HPSE2: variants seen among roughly 807,000 people sequenced by gnomAD.
HPSE2 encodes inactive heparanase-2.
HPSE2 carries 38 observed loss-of-function variants against 60.5 expected under a neutral mutation model. The observed-to-expected ratio is 0.63, with a 90% confidence interval of 0.48 to 0.82. HPSE2 has a LOEUF of 0.82. Ranked by LOEUF, HPSE2 falls within the 40% of genes least tolerant of loss-of-function variation. The probability of loss-of-function intolerance (pLI) is 0.00; values close to 1 mark genes in which losing one functional copy is unlikely to be tolerated. For missense variants in HPSE2, 713 were observed against 740.4 expected, an observed-to-expected ratio of 0.96 and a Z score of 0.43; for synonymous variants, 295 against 293.2, an observed-to-expected ratio of 1.01 and a Z score of -0.06.
Position 99,144,399 on chromosome 10 carries a change from T to A in HPSE2, c.449A>T (p.Asp150Val), listed in dbSNP as rs1205743087. The A allele has an allele frequency of 6.2e-7, 1 of 1,613,002 alleles. No individual in the cohort carries two copies. Among genetic ancestry groups the A allele is most frequent in the African/African-American group, 1.3e-5 (1 of 74,874 alleles). ...PDYYLKNYED[D>V]IVRSDVALDK... Reference sequence around the variant, plus strand: ...TAAGGCAACATCACTTCGAACAATGTCTACAAAAAGAAAGAAAGAAGGCAG... The same window carrying A: ...TAAGGCAACATCACTTCGAACAATGACTACAAAAAGAAAGAAAGAAGGCAG... The change falls in exon 3 of 12, where the codon GAC (aspartate) becomes GTC (valine). Residue 150 changes from aspartate to valine, a missense_variant and splice_region_variant. Physicochemically the swap from Asp to Val is radical, Grantham distance 152. Transcript: ENST00000370552.
intron 3 of HPSE2, among the ~76,000 whole-genome samples, chr10:99,001,464 T>TA (rs1956775610): frequency 6.6e-6 from 1 of 152,134 alleles, no homozygotes; most frequent in Admixed American, 6.6e-5. Context: ...GTCCTAGTGC[T>TA]ACCAACAAGA....
chr10:98,853,000 T>C (rs1000896418), intron 3 of HPSE2, among the ~76,000 whole-genome samples: 2 of 152,256 alleles, frequency 1.3e-5, no homozygotes, highest in South Asian at 4.1e-4. Context: ...TTTGGGGCCT[T>C]ATGTTGTCTG....
At chr10:98,994,041 G>A (rs1452749179) in intron 3 of HPSE2, among the ~76,000 whole-genome samples, 8 of 152,114 alleles carry the variant, frequency 5.3e-5, no homozygotes, top group Non-Finnish European at 7.3e-5. Flanking sequence ...ATTTCTTTCT[G>A]CCAGAATAGC....
intron 7 of HPSE2, among the ~76,000 whole-genome samples, chr10:98,631,557 T>C (rs1050219634): frequency 6.6e-6 from 1 of 152,208 alleles, no homozygotes; most frequent in African/African-American, 2.4e-5. Context: ...GGACAAACCC[T>C]ATAATCCTCC....
At chr10:98,477,787 G>T (rs1424461609) in intron 11 of HPSE2, among the ~76,000 whole-genome samples, 2 of 152,154 alleles carry the variant, frequency 1.3e-5, no homozygotes, top group South Asian at 4.1e-4. Context: ...AATCCTGTTA[G>T]GAACTGGGCT....
At chr10:98,657,804 C>G (rs1947114794) in intron 6 of HPSE2, among the ~76,000 whole-genome samples, 1 of 152,156 alleles carries the variant, frequency 6.6e-6, no homozygotes, top group Non-Finnish European at 1.5e-5. Context: ...ATAGATTTCC[C>G]TTTCTGATAA....
At chr10:98,904,015 G>A (rs1953739016) in intron 3 of HPSE2, among the ~76,000 whole-genome samples, 1 of 152,084 alleles carries the variant, frequency 6.6e-6, no homozygotes, top group South Asian at 2.1e-4. Flanking sequence ...TGGAGAAAAT[G>A]TCACCCAACT....
At chr10:99,082,750 C>T (rs1843189354) in intron 3 of HPSE2, among the ~76,000 whole-genome samples, 1 of 152,176 alleles carries the variant, frequency 6.6e-6, no homozygotes, top group African/African-American at 2.4e-5. Flanking sequence ...ACAGGGAATA[C>T]AAACATCTTT....
At chr10:98,985,438 T>G (rs1478253754) in intron 3 of HPSE2, among the ~76,000 whole-genome samples, 1 of 152,126 alleles carries the variant, frequency 6.6e-6, no homozygotes, top group Admixed American at 6.5e-5. Context: ...GACAAGCAAA[T>G]GCTGAGAGAT....
At chr10:98,651,491 G>A (rs998705952) in intron 6 of HPSE2, among the ~76,000 whole-genome samples, 22 of 152,110 alleles carry the variant, frequency 1.4e-4, no homozygotes, top group African/African-American at 4.3e-4. Flanking sequence ...ATGTCCCTCC[G>A]TAACAAAATG....
chr10:98,600,474 TCTTTCACTCATCAAA>T (rs1339621927), intron 9 of HPSE2, among the ~76,000 whole-genome samples: 1 of 152,180 alleles, frequency 6.6e-6, no homozygotes, highest in African/African-American at 2.4e-5. Context: ...ACTCAGTTCC[TCTTTCACTCATCAAA>T]CTTTTATTGA....
chr10:98,873,928 C>T (rs982172463), intron 3 of HPSE2, among the ~76,000 whole-genome samples: 6 of 152,104 alleles, frequency 3.9e-5, no homozygotes, highest in Non-Finnish European at 7.4e-5. Flanking sequence ...AATGGTATCT[C>T]ATTGCAGTTT....
In HPSE2 at chr10:99,037,548, A is replaced by G. The variant is rs567727685; in HGVS notation, c.610+106690T>C. Reference sequence around the variant, plus strand: ...ATTCAAAGGACATCAATTAAATGCAAAGTGTAAACAAACTTGCAAGAATAC... The same window carrying G: ...ATTCAAAGGACATCAATTAAATGCAGAGTGTAAACAAACTTGCAAGAATAC... On this transcript the variant is annotated intron_variant, in intron 3 of 11. Transcript: ENST00000370552. Among the ~76,000 whole-genome samples, 121 of 152,202 alleles carry G rather than the reference A, an allele frequency of 7.9e-4. 1 individual carries two copies. Among genetic ancestry groups the G allele is most frequent in the African/African-American group, 2.7e-3 (114 of 41,572 alleles).
chr10:98,555,056 T>G (rs907220596), intron 9 of HPSE2, among the ~76,000 whole-genome samples: 1 of 152,220 alleles, frequency 6.6e-6, no homozygotes, highest in South Asian at 2.1e-4. Flanking sequence ...AATAAAAATC[T>G]ATGTGCCATT....
chr10:99,095,604 A>G (rs1420944460), intron 3 of HPSE2, among the ~76,000 whole-genome samples: 1 of 152,180 alleles, frequency 6.6e-6, no homozygotes, highest in Non-Finnish European at 1.5e-5. Context: ...TTCTGTCTCT[A>G]TAGGTTTGAC....
chr10:98,696,206 T>C (rs1426401149), intron 5 of HPSE2, among the ~76,000 whole-genome samples: 1 of 150,896 alleles, frequency 6.6e-6, no homozygotes, highest in Non-Finnish European at 1.5e-5. Flanking sequence ...TCCAAAATAA[T>C]TTCTAAAATC....
intron 9 of HPSE2, among the ~76,000 whole-genome samples, chr10:98,607,054 TCTCC>T (rs148346592): frequency 0.039 from 5,552 of 144,050 alleles, 295 homozygotes; most frequent in East Asian, 0.17. Flanking sequence ...TCTTTTTCTT[TCTCC>T]CTCCCTCCCT....
chr10:99,284,376 C>T, the HPSE2 span, among the ~76,000 whole-genome samples: 1 of 152,078 alleles, frequency 6.6e-6, no homozygotes, highest in African/African-American at 2.4e-5. Context: ...AAGAAAAATT[C>T]CTCACAGTGA....
intron 3 of HPSE2, among the ~76,000 whole-genome samples, chr10:98,964,682 T>C (rs1300177967): frequency 6.6e-6 from 1 of 152,176 alleles, no homozygotes; most frequent in African/African-American, 2.4e-5. Context: ...TTCATATGCA[T>C]TCAAGATATT....
Sources: allele counts gnomAD v4.1 joint callset (sites outside exome capture counted in the v4.1 genomes callset), GRCh38; gene constraint gnomAD v4.1.1; transcripts MANE v1.5; gene names NCBI Gene and HGNC (gene_info 2026-07-23, HGNC 2026-07-21).